Variants in DAZAP2 observed in about 807,000 individuals in gnomAD.
DAZAP2 encodes the protein DAZ-associated protein 2.
DAZAP2 carries 3 observed loss-of-function variants against 16.2 expected under a neutral mutation model. The ratio of observed to expected loss-of-function variants is 0.19; its 90% CI spans 0.08 to 0.48. The LOEUF (loss-of-function observed/expected upper bound fraction) is 0.48. Ranked by LOEUF, DAZAP2 falls within the 20% of genes least tolerant of loss-of-function variation. The pLI is 0.98. For missense variants in DAZAP2, 172 were observed against 215.9 expected (o/e 0.80, Z 1.27); for synonymous variants, 69 against 77.6 (o/e 0.89, Z 0.58).
intron 2 of DAZAP2, 105 bp from the exon 3 acceptor site, chr12:51,240,766 A>C: frequency 6.8e-7 from 1 of 1,471,914 alleles, no homozygotes; most frequent in South Asian, 1.3e-5. Context: ...ATAATCTTAC[A>C]AAAAGTATAA....
At chr12:51,245,769 C>A, downstream of DAZAP2, 1 of 653,184 alleles carries the variant, frequency 1.5e-6, no homozygotes, top group South Asian at 2.3e-5. Context: ...TCTCCATGTC[C>A]CTGGTCCCTG....
chr12:51,243,165 G>A lies in DAZAP2; in HGVS notation c.*707G>A, dbSNP rs1490536903. 4.1e-6 allele frequency: 4 copies of A among 985,892 alleles called. No homozygotes were observed. The highest frequency in any genetic ancestry group is 3.6e-6 in the Non-Finnish European group (3 of 830,174). 61.1% of individuals were successfully genotyped at this position (985,892 alleles called of 1,614,324 possible). ...ATCTCCTCAGGCAAAAGTGGAGGGT[G>A]CCTTATGGGCCCTCCTCATAGGTTG... On this transcript the variant is annotated 3_prime_UTR_variant, in exon 4 of 4. Coordinates refer to ENST00000412716, the MANE Select transcript of DAZAP2 (RefSeq NM_014764.4).
downstream of DAZAP2, among the ~76,000 whole-genome samples, chr12:51,244,233 C>T (rs1334603071): frequency 6.6e-6 from 1 of 152,194 alleles, no homozygotes; most frequent in Non-Finnish European, 1.5e-5. Context: ...GGGTCTCCCT[C>T]TGTCACCCGG....
At position 51,242,806 on chromosome 12, in the gene DAZAP2, A is replaced by T. The variant is rs182906473; in HGVS notation, c.*348A>T. The T allele has an allele frequency of 5.7e-6, 8 of 1,400,326 alleles. No individual in the cohort carries two copies. The African/African-American group carries it at 1.0e-4, about 18-fold the overall frequency. The allele number at this position is 1,400,326 out of a possible 1,614,324, so 86.7% of individuals were successfully genotyped here. On this transcript the variant is annotated 3_prime_UTR_variant, in exon 4 of 4. Transcript: ENST00000412716. ...CAAATTAGGTTTGGAGGGAACTTTG[A>T]TCTTCCTAAGAATTAAAGTTGCCAA...
At chr12:51,239,151 G>A in intron 1 of DAZAP2, 1 of 576,786 alleles carries the variant, frequency 1.7e-6, no homozygotes, top group Non-Finnish European at 2.9e-6. Context: ...TTGGAGCTGC[G>A]GGCTCGGGTG....
chr12:51,246,417 C>T, downstream of DAZAP2: 1 of 461,640 alleles, frequency 2.2e-6, no homozygotes, highest in Non-Finnish European at 3.8e-6. Flanking sequence ...CAGGAAATGG[C>T]TTATCCTAAC....
intron 2 of DAZAP2, 192 bp downstream of exon 2, chr12:51,240,653 A>C (rs1312455965): frequency 1.1e-5 from 9 of 846,922 alleles, no homozygotes; most frequent in Non-Finnish European, 1.4e-5. Context: ...TATTTGGCAC[A>C]GGCTAAGGTG....
chr12:51,246,639 T>TGTGTGTGTGTGTGG, downstream of DAZAP2: 1 of 626,224 alleles, frequency 1.6e-6, no homozygotes. Context: ...TGTGTGTGTG[T>TGTGTGTGTGTGTGG]AATATAACTT....
chr12:51,243,116 A>G lies in DAZAP2; in HGVS notation c.*658A>G. The G allele has an allele frequency of 1.0e-6, 1 of 987,248 alleles. No individual in the cohort carries two copies. The highest frequency in any genetic ancestry group is 1.2e-6 in the Non-Finnish European group (1 of 831,112). The allele number at this position is 987,248 out of a possible 1,614,324, so 61.2% of individuals were successfully genotyped here. On this transcript the variant is annotated 3_prime_UTR_variant, in exon 4 of 4. Coordinates refer to ENST00000412716, the MANE Select transcript of DAZAP2 (RefSeq NM_014764.4). ...GAAACCCTCTCTGTGCCCCAAGTAC[A>G]GATGCCATTACTTCTGCTTTCGTAT... is the stretch of plus-strand genomic sequence containing the variant.
chr12:51,240,718 C>T, intron 2 of DAZAP2, 153 bp from the exon 3 acceptor site: 1 of 1,079,596 alleles, frequency 9.3e-7, no homozygotes, highest in Admixed American at 2.6e-5. Context: ...AGAAAGTGAT[C>T]CAGGAGAATA....
chr12:51,245,692 T>C (rs1944758626), downstream of DAZAP2: 2 of 456,068 alleles, frequency 4.4e-6, no homozygotes, highest in East Asian at 6.8e-5. Context: ...CATAGCCACA[T>C]CTTGTTGGCC....
At chr12:51,243,969 C>CA, downstream of DAZAP2, 1 of 967,982 alleles carries the variant, frequency 1.0e-6, no homozygotes, top group East Asian at 1.1e-4. Context: ...TCCAGATGTT[C>CA]AACTTTTCAT....
In DAZAP2 at chr12:51,243,519, G is replaced by A; in HGVS notation, c.*1061G>A. On this transcript the variant is annotated 3_prime_UTR_variant, in exon 4 of 4. Coordinates refer to ENST00000412716, the MANE Select transcript of DAZAP2 (RefSeq NM_014764.4). ...CTTGAGTCCAGTGAAATCTCATTAG[G>A]GTTTAAGAATATTTCAGGGATCCTT... is the stretch of plus-strand genomic sequence containing the variant. 2.0e-6 allele frequency: 2 copies of A among 985,654 alleles called. No individual in the cohort carries two copies. The highest frequency in any genetic ancestry group is 2.4e-6 in the Non-Finnish European group (2 of 829,910). The allele number at this position is 985,654 out of a possible 1,614,324, so 61.1% of individuals were successfully genotyped here.
chr12:51,239,344 T>TAG (rs1944620069), intron 1 of DAZAP2: 1 of 192,756 alleles, frequency 5.2e-6, no homozygotes, highest in Non-Finnish European at 1.1e-5. Flanking sequence ...AGGTCTCTTT[T>TAG]CCTTCCCTTC....
At chr12:51,246,639 T>TGTGTGTGTG, downstream of DAZAP2, 2 of 626,222 alleles carry the variant, frequency 3.2e-6, no homozygotes, top group East Asian at 3.1e-5. Flanking sequence ...TGTGTGTGTG[T>TGTGTGTGTG]AATATAACTT....
At chr12:51,239,147 C>T (rs887433407) in intron 1 of DAZAP2, 1 of 593,910 alleles carries the variant, frequency 1.7e-6, no homozygotes, top group South Asian at 2.2e-5. Context: ...CAGTTTGGAG[C>T]TGCGGGCTCG....
downstream of DAZAP2, chr12:51,246,636 G>T: frequency 1.6e-6 from 1 of 635,510 alleles, no homozygotes; most frequent in Non-Finnish European, 2.6e-6. Flanking sequence ...GTGTGTGTGT[G>T]TGTAATATAA....
At chr12:51,245,100 C>T (rs1592229679), downstream of DAZAP2, 1 of 152,180 alleles carries the variant, frequency 6.6e-6, no homozygotes, top group Non-Finnish European at 1.5e-5. Context: ...GTGCTGGGAT[C>T]ACAGGCGTGA....
chr12:51,242,358 C>T lies in DAZAP2; in HGVS notation c.407C>T (p.Ala136Val). 1 of 1,609,890 alleles carries T rather than the reference C, an allele frequency of 6.2e-7. No individual in the cohort carries two copies. Among genetic ancestry groups the T allele is most frequent in the Non-Finnish European group, 8.5e-7 (1 of 1,177,770 alleles). ...PPPPPGCPPN[A>V]AQLAVMQGAN... ...CCACCTCCTGGATGCCCTCCCAATG[C>T]TGCTCAGCTTGCAGTCATGCAGGGA... The change falls in exon 4 of 4, where the codon GCT (alanine) becomes GTT (valine). Residue 136 changes from alanine to valine, a missense_variant. Physicochemically the swap from Ala to Val is moderately conservative, Grantham distance 64 (BLOSUM62 0). Transcript: ENST00000412716.
Sources: allele counts gnomAD v4.1 joint callset (sites outside exome capture counted in the v4.1 genomes callset), GRCh38; gene constraint gnomAD v4.1.1; transcripts MANE v1.5; gene names NCBI Gene and HGNC (gene_info 2026-07-23, HGNC 2026-07-21).